Variants in DPP6 observed in about 807,000 individuals in gnomAD.
DPP6 encodes A-type potassium channel modulatory protein DPP6.
In DPP6, 69 loss-of-function variants were observed where a neutral mutation model predicts 122.6. The observed-to-expected ratio is 0.56, with a 90% CI of 0.46 to 0.69. DPP6 has a LOEUF of 0.69. Among genes scored for constraint, DPP6 ranks in the 30% least tolerant of loss-of-function variants. The probability of loss-of-function intolerance (pLI) is 0.00; values close to 1 mark genes in which losing one functional copy is unlikely to be tolerated. For synonymous variants in DPP6, 418 were observed against 433.1 expected (o/e 0.97, Z 0.43); for missense variants, 928 against 1,116.9 (o/e 0.83, Z 2.41).
At chr7:154,756,510 G>T (rs541113217) in intron 8 of DPP6, among the ~76,000 whole-genome samples, 19 of 152,172 alleles carry the variant, frequency 1.2e-4, no homozygotes, top group Admixed American at 6.5e-5. Flanking sequence ...TGTTTACAGA[G>T]GAGGAAACTG....
the DPP6 span, among the ~76,000 whole-genome samples, chr7:153,866,424 T>C: frequency 2.0e-5 from 3 of 152,216 alleles, no homozygotes; most frequent in Non-Finnish European, 2.9e-5. Context: ...CATTTTTTCA[T>C]GTGTTTTTTG....
chr7:154,478,104 C>G (rs144941359), intron 3 of DPP6, among the ~76,000 whole-genome samples: 1 of 151,848 alleles, frequency 6.6e-6, no homozygotes, highest in African/African-American at 2.4e-5. Context: ...CAATGATGAA[C>G]GGAGTCTTTA....
chr7:154,268,835 A>G (rs1386077487), intron 1 of DPP6, among the ~76,000 whole-genome samples: 5 of 151,706 alleles, frequency 3.3e-5, no homozygotes, highest in African/African-American at 1.2e-4. Context: ...TTTTAATCTC[A>G]CAAAACTGGA....
intron 6 of DPP6, among the ~76,000 whole-genome samples, chr7:154,638,532 C>T (rs894697079): frequency 1.4e-4 from 21 of 152,194 alleles, no homozygotes; most frequent in African/African-American, 5.1e-4. Context: ...TTCATTCTTT[C>T]ATGACCTCAC....
At chr7:154,508,237 C>G (rs28664202) in intron 3 of DPP6, among the ~76,000 whole-genome samples, 1 of 152,074 alleles carries the variant, frequency 6.6e-6, no homozygotes, top group Non-Finnish European at 1.5e-5. Flanking sequence ...ATCTTGTTAT[C>G]TTATACCTGG....
intron 7 of DPP6, among the ~76,000 whole-genome samples, chr7:154,702,922 C>G (rs1840604578): frequency 6.6e-6 from 1 of 152,208 alleles, no homozygotes. Context: ...GGCTTTAAAG[C>G]TTCAAAGGAC....
chr7:154,416,759 A>G (rs979920608), intron 1 of DPP6, among the ~76,000 whole-genome samples: 1 of 150,336 alleles, frequency 6.7e-6, no homozygotes, highest in Non-Finnish European at 1.5e-5. Flanking sequence ...TTGAATAAAT[A>G]TGAGTAAAAA....
At chr7:154,628,637 A>G (rs778335523) in intron 5 of DPP6, among the ~76,000 whole-genome samples, 15 of 152,062 alleles carry the variant, frequency 9.9e-5, no homozygotes, top group Non-Finnish European at 2.2e-4. Flanking sequence ...ACATTATTAG[A>G]GATGAGCTCG....
chr7:154,750,077 G>A (rs866241943), intron 8 of DPP6, among the ~76,000 whole-genome samples: 5 of 152,128 alleles, frequency 3.3e-5, no homozygotes, highest in Admixed American at 6.6e-5. Flanking sequence ...GTGCAATAGA[G>A]AAGGTGCAAA....
At chr7:153,752,891 C>T in the DPP6 span, among the ~76,000 whole-genome samples, 2 of 150,898 alleles carry the variant, frequency 1.3e-5, no homozygotes, top group African/African-American at 2.4e-5. Context: ...TATTTTTACA[C>T]ATCTGGAAAA....
At chr7:154,338,529 G>C (rs1280856821) in intron 1 of DPP6, among the ~76,000 whole-genome samples, 1 of 152,108 alleles carries the variant, frequency 6.6e-6, no homozygotes, top group Non-Finnish European at 1.5e-5. Flanking sequence ...AAAAGAAGAA[G>C]AACCAATTAA....
intron 1 of DPP6, among the ~76,000 whole-genome samples, chr7:154,074,054 T>C (rs1803341797): frequency 1.3e-5 from 2 of 152,048 alleles, no homozygotes; most frequent in South Asian, 4.1e-4. Context: ...TATCTATCTA[T>C]ATATCTCCAT....
intron 1 of DPP6, among the ~76,000 whole-genome samples, chr7:154,115,289 A>C (rs1399162276): frequency 6.6e-6 from 1 of 152,192 alleles, no homozygotes. Flanking sequence ...CACTCAAGGC[A>C]TTGACCAGTC....
the DPP6 span, among the ~76,000 whole-genome samples, chr7:153,848,135 A>G: frequency 1.3e-5 from 2 of 152,194 alleles, no homozygotes; most frequent in African/African-American, 4.8e-5. Flanking sequence ...AAAGAGTCAC[A>G]GCGGCTGAGG....
At chr7:153,920,561 C>CTTTTTTTTTTT (rs1489811189) in intron 1 of DPP6, among the ~76,000 whole-genome samples, 3,401 of 61,104 alleles carry the variant, frequency 0.056, 383 homozygotes, top group South Asian at 0.065. Flanking sequence ...TTTTATCTCT[C>CTTTTTTTTTTT]TCTTTTTTTT....
At chr7:153,886,112 T>TACAC (rs60245538), upstream of DPP6, among the ~76,000 whole-genome samples, 10,460 of 140,298 alleles carry the variant, frequency 0.075, 451 homozygotes, top group African/African-American at 0.11. Context: ...GGCACGCCCT[T>TACAC]ACACACACAC....
intron 1 of DPP6, among the ~76,000 whole-genome samples, chr7:153,888,809 C>G (rs1799063175): frequency 6.8e-6 from 1 of 146,164 alleles, no homozygotes; most frequent in Non-Finnish European, 1.5e-5. Context: ...TTTGAGGGTT[C>G]CGTAAGAATT....
intron 1 of DPP6, among the ~76,000 whole-genome samples, chr7:153,931,153 C>A (rs939602219): frequency 9.9e-5 from 15 of 152,268 alleles, no homozygotes; most frequent in African/African-American, 3.1e-4. Flanking sequence ...TGTGTACTTG[C>A]AGCTTTCCCA....
intron 1 of DPP6, among the ~76,000 whole-genome samples, chr7:154,174,315 A>G (rs144920863): frequency 6.6e-5 from 10 of 152,386 alleles, no homozygotes; most frequent in African/African-American, 2.2e-4. Flanking sequence ...ATTACAGTGC[A>G]TGGCACATTT....
Sources: gnomAD v4.1 joint callset for allele counts (sites outside exome capture counted in the v4.1 genomes callset) on GRCh38, gnomAD v4.1.1 for gene constraint, MANE v1.5 for transcripts, NCBI Gene and HGNC (gene_info 2026-07-23, HGNC 2026-07-21) for gene names.